The following ZBED3 variants were observed in gnomAD, a reference collection of about 807,000 sequenced individuals.
The protein encoded by ZBED3 is zinc finger BED-type containing 3.
For missense variants in ZBED3, 388 were observed against 362.9 expected (o/e 1.07, Z -0.56); for synonymous variants, 175 against 180.0 (o/e 0.97, Z 0.22).
intron 1 of ZBED3, among the ~76,000 whole-genome samples, chr5:77,085,285 A>G (rs183303367): frequency 1.2e-3 from 178 of 152,348 alleles, no homozygotes; most frequent in Non-Finnish European, 1.3e-3. Flanking sequence ...ATGGGCATAT[A>G]CACAAGGTAT....
At position 77,073,453 on chromosome 5, in the gene ZBED3, A is replaced by C. The variant is rs879157765; in HGVS notation, c.*3721T>G. ...TAGAGTAATATAAAAATTGCAAAAG[A>C]CAAAAGAAAATATATTAAAATGTTA... On this transcript the variant is annotated 3_prime_UTR_variant, in exon 3 of 3. Transcript: ENST00000255198. 7 of 152,364 alleles carry C rather than the reference A, an allele frequency of 4.6e-5. No homozygotes were observed. The East Asian group carries it at 1.2e-3, about 25-fold the overall frequency. The allele number at this position is 152,364 out of a possible 1,614,324, so 9.4% of individuals were successfully genotyped here.
At chr5:77,080,713 C>G (rs933569679) in intron 1 of ZBED3, 5 of 435,038 alleles carry the variant, frequency 1.1e-5, no homozygotes, top group African/African-American at 1.0e-4. Flanking sequence ...ACCGCATGTT[C>G]TCATTCATAG....
In ZBED3 at chr5:77,075,987, A is replaced by G. The variant is rs5017743; in HGVS notation, c.*1187T>C. ...TATATGTATATGTATATATGTATAT[A>G]TATATGTATATATGTATATATATAT... On this transcript the variant is annotated 3_prime_UTR_variant, in exon 3 of 3. Transcript: ENST00000255198. The G allele has an allele frequency of 2.9e-3, 99 of 34,662 alleles. 23 individuals carry two copies. Among genetic ancestry groups the G allele is most frequent in the Admixed American group, 5.4e-3 (14 of 2,596 alleles). 2.1% of individuals were successfully genotyped at this position (34,662 alleles called of 1,614,324 possible).
chr5:77,079,043 A>T (rs1012522554), intron 1 of ZBED3: 1 of 152,238 alleles, frequency 6.6e-6, no homozygotes, highest in African/African-American at 2.4e-5. Context: ...ATGCAATGTC[A>T]TTGCACAGTC....
At chr5:77,080,653 G>A (rs1156813175) in intron 1 of ZBED3, 7 of 513,628 alleles carry the variant, frequency 1.4e-5, no homozygotes, top group East Asian at 5.5e-5. Flanking sequence ...GCCACAGGCC[G>A]TAACAGCCTG....
chr5:77,077,784 G>C lies in ZBED3; in HGVS notation c.95C>G (p.Ala32Gly). 7.6e-7 allele frequency: 1 copy of C among 1,316,796 alleles called. No individual in the cohort carries two copies. 81.6% of individuals were successfully genotyped at this position (1,316,796 alleles called of 1,614,324 possible). ...GCGGCCGGGAGGCGTCGGCGTCGGCGCCGGCCCCAGTCCCGGACACTGACC... is the reference window on the plus strand; with the variant it reads ...GCGGCCGGGAGGCGTCGGCGTCGGCCCCGGCCCCAGTCCCGGACACTGACC... ...RGGQCPGLGP[A>G]PTPTPPGRLG... Residue 32 changes from alanine to glycine, a missense_variant, in exon 3 of 3, where the codon GCG becomes GGG. Physicochemically the swap from Ala to Gly is moderately conservative, Grantham distance 60. Transcript: ENST00000255198.
At chr5:77,087,075 C>G (rs1743262271) in intron 1 of ZBED3, 36 bp downstream of exon 1, 1 of 152,420 alleles carries the variant, frequency 6.6e-6, no homozygotes, top group Middle Eastern at 3.4e-3. Context: ...CCCGGCCCAG[C>G]CCGCCTCGCC....
At chr5:77,086,503 A>C (rs1338019888) in intron 1 of ZBED3, among the ~76,000 whole-genome samples, 1 of 152,120 alleles carries the variant, frequency 6.6e-6, no homozygotes, top group Non-Finnish European at 1.5e-5. Flanking sequence ...AAATTCGACT[A>C]GTGGTAAGTA....
chr5:77,075,985 ATATATATG>A lies in ZBED3; in HGVS notation c.*1181_*1188del, dbSNP rs1364838449. On this transcript the variant is annotated 3_prime_UTR_variant, in exon 3 of 3. Transcript: ENST00000255198. Reference sequence around the variant, plus strand: ...TATATATGTATATGTATATATGTATATATATATGTATATATGTATATATATATGTATAT... The same window carrying A: ...TATATATGTATATGTATATATGTATATATATATGTATATATATATGTATAT... 2.9e-4 allele frequency: 10 copies of A among 34,526 alleles called. 3 individuals are homozygous for A. In the East Asian group the frequency reaches 4.5e-3, roughly 15 times the overall value. The allele number at this position is 34,526 out of a possible 1,614,324, so 2.1% of individuals were successfully genotyped here.
At chr5:77,085,392 T>C (rs1371868497) in intron 1 of ZBED3, among the ~76,000 whole-genome samples, 1 of 152,242 alleles carries the variant, frequency 6.6e-6, no homozygotes, top group Non-Finnish European at 1.5e-5. Context: ...TTTGGCAGGC[T>C]AAAGGCCAAA....
Position 77,077,468 on chromosome 5 carries a change from G to T in ZBED3, c.411C>A (p.Gly137=). 2 of 1,206,250 alleles carry T rather than the reference G, an allele frequency of 1.7e-6. No homozygotes were observed. Among genetic ancestry groups the T allele is most frequent in the Non-Finnish European group, 1.0e-6 (1 of 972,798 alleles). 74.7% of individuals were successfully genotyped at this position (1,206,250 alleles called of 1,614,324 possible). The part of the protein sequence containing the change: ...GDWARLLEQM[G]ALAVRGSRRE... ...GCCGGCTGCCGCGCACGGCCAGCGC[G>T]CCCATCTGTTCCAGCAGGCGCGCCC... Residue 137 remains glycine, a synonymous_variant, in exon 3 of 3, where the codon GGC becomes GGA. Transcript: ENST00000255198.
rs1447996208 is a variant in ZBED3, at chr5:77,075,957, A to G, written c.*1217T>C. On this transcript the variant is annotated 3_prime_UTR_variant, in exon 3 of 3. Transcript: ENST00000255198. Reference sequence around the variant, plus strand: ...GTATTATATATACATATATATATATATATATATATGTATATGTATATATGT... The same window carrying G: ...GTATTATATATACATATATATATATGTATATATATGTATATGTATATATGT... 1.2e-3 allele frequency: 43 copies of G among 36,146 alleles called. 8 individuals carry two copies. Among genetic ancestry groups the G allele is most frequent in the Admixed American group, 1.1e-3 (3 of 2,732 alleles). 2.2% of individuals were successfully genotyped at this position (36,146 alleles called of 1,614,324 possible). A position where few individuals can be genotyped will look rare whatever the true frequency, so the allele number is the denominator to read the frequency against.
In ZBED3 at chr5:77,077,467, C is replaced by T; in HGVS notation, c.412G>A (p.Ala138Thr). The change falls in exon 3 of 3, where the codon GCG (alanine) becomes ACG (threonine). Residue 138 changes from alanine to threonine, a missense_variant. Transcript: ENST00000255198. The stretch of plus-strand genomic sequence containing the variant: ...CGCCGGCTGCCGCGCACGGCCAGCG[C>T]GCCCATCTGTTCCAGCAGGCGCGCC... ...DWARLLEQMG[A>T]LAVRGSRRER... 1 of 1,205,980 alleles carries T rather than the reference C, an allele frequency of 8.3e-7. No homozygotes were observed. The highest frequency in any genetic ancestry group is 3.3e-4 in the Middle Eastern group (1 of 2,990). 74.7% of individuals were successfully genotyped at this position (1,205,980 alleles called of 1,614,324 possible). A position where few individuals can be genotyped will look rare whatever the true frequency, so the allele number is the denominator to read the frequency against.
Position 77,073,256 on chromosome 5 carries a change from T to G in ZBED3, c.*3918A>C, listed in dbSNP as rs1742916451. Reference sequence around the variant, plus strand: ...CTCGCACTAGCCATCTTTGAGGGAGTAGTTAAGATTCTAAATCCTTTCCTA... The same window carrying G: ...CTCGCACTAGCCATCTTTGAGGGAGGAGTTAAGATTCTAAATCCTTTCCTA... On this transcript the variant is annotated 3_prime_UTR_variant, in exon 3 of 3. Transcript: ENST00000255198. 6.6e-6 allele frequency: 1 copy of G among 152,030 alleles called. No individual in the cohort carries two copies. Among genetic ancestry groups the G allele is most frequent in the Non-Finnish European group, 1.5e-5 (1 of 68,030 alleles). 9.4% of individuals were successfully genotyped at this position (152,030 alleles called of 1,614,324 possible).
intron 1 of ZBED3, among the ~76,000 whole-genome samples, chr5:77,085,359 T>A (rs1318836298): frequency 2.6e-5 from 4 of 152,244 alleles, no homozygotes; most frequent in Non-Finnish European, 5.9e-5. Context: ...ATTTTATACT[T>A]ATGCTTGTGC....
rs760922283 is a variant in ZBED3 at position 77,081,895 on chromosome 5, G to T, written c.-152-3167C>A. Among the ~76,000 whole-genome samples the T allele has an allele frequency of 2.0e-5, 3 of 152,118 alleles. No individual in the cohort carries two copies. The South Asian group carries it at 6.2e-4, about 32-fold the overall frequency. ...CACATAGTCTCTGCCCTCAGGAAGC[G>T]TACCATCTGGTGGGGAAAGAGATGC... On this transcript the variant is annotated intron_variant, in intron 1 of 2. Coordinates refer to ENST00000255198, the MANE Select transcript of ZBED3 (RefSeq NM_032367.4).
Position 77,077,625 on chromosome 5 carries a change from C to CCCGCGTGGAAGCCCGGG in ZBED3, c.237_253dup (p.Gly85AlafsTer15). 4.2e-6 allele frequency: 6 copies of CCCGCGTGGAAGCCCGGG among 1,412,008 alleles called. No individual in the cohort carries two copies. Among genetic ancestry groups the CCCGCGTGGAAGCCCGGG allele is most frequent in the Non-Finnish European group, 4.6e-6 (5 of 1,082,584 alleles). 87.5% of individuals were successfully genotyped at this position (1,412,008 alleles called of 1,614,324 possible). ...CAGGTGCCTCCACAACGCCGAGGTC[C>CCCGCGTGGAAGCCCGGG]CCGCGTGGAAGCCCGGGCCGCGGCC... On this transcript the variant is annotated frameshift_variant, in exon 3 of 3. Transcript: ENST00000255198. LOFTEE classifies it low-confidence loss of function (END_TRUNC).
At position 77,077,370 on chromosome 5, in the gene ZBED3, G is replaced by A; in HGVS notation, c.509C>T (p.Ala170Val). ...GERALERRRR[A>V]LQEEERAAAQ... ...CGCGGCGCGCTCTTCCTCCTGCAGC[G>A]CCCTCCGCCTCCGCTCCAGGGCGCG... Residue 170 changes from alanine (A) to valine (V), a missense_variant, in exon 3 of 3, where the codon GCG (alanine) becomes GTG (valine). Physicochemically the swap from Ala to Val is moderately conservative, Grantham distance 64. Transcript: ENST00000255198. 3 of 1,254,030 alleles carry A rather than the reference G, an allele frequency of 2.4e-6. No homozygotes were observed. The highest frequency in any genetic ancestry group is 3.0e-6 in the Non-Finnish European group (3 of 1,001,552). The allele number at this position is 1,254,030 out of a possible 1,614,324, so 77.7% of individuals were successfully genotyped here. A position where few individuals can be genotyped will look rare whatever the true frequency, so the allele number is the denominator to read the frequency against.
chr5:77,075,935 T>TTTTA lies in ZBED3; in HGVS notation c.*1238_*1239insTAAA, dbSNP rs1554047999. The stretch of plus-strand genomic sequence containing the variant: ...GACATGCACCCTAGAACTTAAAGTA[T>TTTTA]TATATATACATATATATATATATAT... On this transcript the variant is annotated 3_prime_UTR_variant, in exon 3 of 3. Transcript: ENST00000255198. 46 of 21,152 alleles carry TTTTA rather than the reference T, an allele frequency of 2.2e-3. 5 individuals carry two copies. The highest frequency in any genetic ancestry group is 5.1e-3 in the East Asian group (6 of 1,182). 1.3% of individuals were successfully genotyped at this position (21,152 alleles called of 1,614,324 possible).
Sources: allele counts gnomAD v4.1 joint callset (sites outside exome capture counted in the v4.1 genomes callset), GRCh38; gene constraint gnomAD v4.1.1; transcripts MANE v1.5; gene names NCBI Gene and HGNC (gene_info 2026-07-23, HGNC 2026-07-21).